The following IL1RAPL1 variants were observed in gnomAD, a reference collection of about 807,000 sequenced individuals.
IL1RAPL1 encodes interleukin-1 receptor accessory protein-like 1.
IL1RAPL1 carries 3 observed loss-of-function variants against 48.4 expected under a neutral mutation model. That is an observed-to-expected ratio of 0.06 (90% confidence interval 0.03 to 0.16). IL1RAPL1 has a LOEUF of 0.16. IL1RAPL1 is among the 10% of genes least tolerant of loss of function. The pLI is 1.00. For missense variants in IL1RAPL1, 349 were observed against 530.6 expected, an observed-to-expected ratio of 0.66 and a Z score of 3.36; for synonymous variants, 185 against 187.7, an observed-to-expected ratio of 0.99 and a Z score of 0.12.
At chrX:29,557,245 G>A (rs369969470) in intron 5 of IL1RAPL1, among the ~76,000 whole-genome samples, 2 of 111,421 alleles carry the variant, frequency 1.8e-5, no homozygotes, top group East Asian at 5.6e-4. Flanking sequence ...GGTCTTAGGC[G>A]GTCAAGAATT....
intron 2 of IL1RAPL1, among the ~76,000 whole-genome samples, chrX:29,190,586 AT>A (rs1332324909): frequency 1.8e-5 from 2 of 112,440 alleles, no homozygotes; most frequent in Non-Finnish European, 3.8e-5. Flanking sequence ...TCAAGAACCA[AT>A]TTTGTAAGGC....
chrX:29,902,896 A>T (rs1302983633), intron 6 of IL1RAPL1, among the ~76,000 whole-genome samples: 1 of 111,600 alleles, frequency 9.0e-6, no homozygotes, highest in Non-Finnish European at 1.9e-5. Flanking sequence ...TTTAAAATTC[A>T]TACCTTGTTT....
chrX:29,879,391 G>GTA (rs1931979452), intron 6 of IL1RAPL1, among the ~76,000 whole-genome samples: 2 of 98,457 alleles, frequency 2.0e-5, no homozygotes, highest in African/African-American at 8.4e-5. Context: ...GTGTGTGTGT[G>GTA]TGTGTATATA....
chrX:29,159,266 T>C (rs1679565602), intron 2 of IL1RAPL1, among the ~76,000 whole-genome samples: 1 of 111,290 alleles, frequency 9.0e-6, no homozygotes, highest in South Asian at 3.8e-4. Flanking sequence ...AAAATTATAA[T>C]TGGAGTTGTC....
intron 5 of IL1RAPL1, among the ~76,000 whole-genome samples, chrX:29,628,066 C>G (rs1270274670): frequency 1.8e-5 from 2 of 112,132 alleles, no homozygotes; most frequent in Non-Finnish European, 3.8e-5. Flanking sequence ...GGTACTTTAA[C>G]CACAGTTGAC....
At chrX:29,807,621 CAAAAAAAA>C (rs60391165) in intron 6 of IL1RAPL1, among the ~76,000 whole-genome samples, 13 of 26,023 alleles carry the variant, frequency 5.0e-4, no homozygotes, top group African/African-American at 1.6e-3. Context: ...TCTCTCAAGA[CAAAAAAAA>C]AAAAAAAAAA....
At chrX:29,802,847 A>G (rs1357424295) in intron 6 of IL1RAPL1, among the ~76,000 whole-genome samples, 13 of 89,873 alleles carry the variant, frequency 1.4e-4, no homozygotes, top group African/African-American at 5.2e-4. Flanking sequence ...GTATACATAT[A>G]TGTGTATATA....
intron 2 of IL1RAPL1, among the ~76,000 whole-genome samples, chrX:29,173,091 C>G (rs1260871591): frequency 9.0e-6 from 1 of 111,043 alleles, no homozygotes; most frequent in Non-Finnish European, 1.9e-5. Flanking sequence ...TGATAATCCC[C>G]TGCGTAATTA....
At chrX:28,855,130 G>A (rs772699883) in intron 2 of IL1RAPL1, among the ~76,000 whole-genome samples, 6 of 111,527 alleles carry the variant, frequency 5.4e-5, no homozygotes, top group South Asian at 3.8e-4. Flanking sequence ...AGTAATTCTC[G>A]TGCTTTATCC....
intron 6 of IL1RAPL1, among the ~76,000 whole-genome samples, chrX:29,755,163 T>C (rs1928581490): frequency 8.9e-6 from 1 of 112,545 alleles, no homozygotes; most frequent in African/African-American, 3.2e-5. Context: ...AAGCCAACAG[T>C]GAAGAGAGTC....
chrX:28,743,763 C>T (rs1156535185), intron 1 of IL1RAPL1, among the ~76,000 whole-genome samples: 1 of 100,255 alleles, frequency 1.0e-5, no homozygotes, highest in East Asian at 3.1e-4. Flanking sequence ...TATTTAATGG[C>T]GTACAACATA....
At chrX:29,480,696 T>C (rs893921353) in intron 5 of IL1RAPL1, among the ~76,000 whole-genome samples, 2 of 111,118 alleles carry the variant, frequency 1.8e-5, no homozygotes, top group African/African-American at 6.5e-5. Flanking sequence ...AGTTGCAATC[T>C]CATCATCTCT....
At chrX:29,497,002 A>G (rs891519160) in intron 5 of IL1RAPL1, among the ~76,000 whole-genome samples, 1 of 112,858 alleles carries the variant, frequency 8.9e-6, no homozygotes, top group Admixed American at 9.4e-5. Flanking sequence ...AAATCCTCCA[A>G]TATTTGAGGT....
At chrX:29,044,960 C>T (rs1926923088) in intron 2 of IL1RAPL1, among the ~76,000 whole-genome samples, 1 of 111,712 alleles carries the variant, frequency 9.0e-6, no homozygotes, top group Admixed American at 9.5e-5. Flanking sequence ...AGGCTGTGTG[C>T]ATGGGTGTGT....
At chrX:29,654,385 C>T (rs900164153) in intron 5 of IL1RAPL1, among the ~76,000 whole-genome samples, 1 of 111,673 alleles carries the variant, frequency 9.0e-6, no homozygotes, top group Non-Finnish European at 1.9e-5. Flanking sequence ...TAAAGACACA[C>T]CCAAGACTGG....
intron 2 of IL1RAPL1, among the ~76,000 whole-genome samples, chrX:29,024,630 A>T (rs1011894196): frequency 1.8e-5 from 2 of 112,222 alleles, no homozygotes; most frequent in African/African-American, 3.2e-5. Context: ...GCTATATCTT[A>T]TCATTTAAAG....
chrX:29,219,989 C>T (rs17329344), intron 2 of IL1RAPL1, among the ~76,000 whole-genome samples: 40,863 of 109,032 alleles, frequency 0.37, 7,511 homozygotes, highest in Non-Finnish European at 0.56. Flanking sequence ...AATAGGAGTC[C>T]TGTGGGAGAA....
intron 2 of IL1RAPL1, among the ~76,000 whole-genome samples, chrX:29,032,760 C>T (rs939050359): frequency 8.9e-6 from 1 of 112,892 alleles, no homozygotes; most frequent in African/African-American, 3.2e-5. Context: ...CACACACACA[C>T]ACACACACAC....
intron 1 of IL1RAPL1, among the ~76,000 whole-genome samples, chrX:28,699,310 A>G (rs768446657): frequency 1.7e-4 from 19 of 112,339 alleles, no homozygotes; most frequent in Non-Finnish European, 3.2e-4. Flanking sequence ...GAACACATTC[A>G]GCAGACTGCT....
Sources: allele counts gnomAD v4.1 joint callset (sites outside exome capture counted in the v4.1 genomes callset), GRCh38; gene constraint gnomAD v4.1.1; transcripts MANE v1.5; gene names NCBI Gene and HGNC (gene_info 2026-07-23, HGNC 2026-07-21).